Variants in LMF2 observed in about 807,000 individuals in gnomAD.
LMF2 encodes transmembrane protein 112B.
A neutral mutation model predicts 81.5 loss-of-function variants in LMF2; 113 were observed. The ratio of observed to expected loss-of-function variants is 1.39; its 90% CI spans 1.19 to 1.62. The LOEUF (loss-of-function observed/expected upper bound fraction) is 1.62, where lower values mean the gene tolerates loss of function less well. Among genes scored for constraint, LMF2 ranks in the 40% most tolerant of loss-of-function variants. The pLI is 0.00. For missense variants in LMF2, 1,235 were observed against 929.1 expected (o/e 1.33, Z -4.28); for synonymous variants, 645 against 424.5 (o/e 1.52, Z -6.39).
chr22:50,504,590 C>T lies in LMF2; in HGVS notation c.1575G>A (p.Leu525=), dbSNP rs368905091. 7 of 1,604,110 alleles carry T rather than the reference C, an allele frequency of 4.4e-6. No homozygotes were observed. In the African/African-American group the frequency reaches 6.7e-5, roughly 15 times the overall value. The change falls in exon 11 of 14, where the codon CTG becomes CTA. Residue 525 remains leucine, a synonymous_variant. Coordinates refer to ENST00000474879, the MANE Select transcript of LMF2 (RefSeq NM_033200.3). ...CCTTGCCCTGCAGCAGGCGCAAGAC[C>T]AGGCTTGTGAACCACGGGCTGTGCG... ...PHTHSPWFTS[L]VLRLLQGKEP...
rs376956523 is a variant in LMF2, at chr22:50,505,670, G to C, written c.916+4C>G. Reference sequence around the variant, plus strand: ...GGGCAGGGGGCTGGACAAGTGACACGCACAGGTGGCCGTCTTCTTGCGGCT... The same window carrying C: ...GGGCAGGGGGCTGGACAAGTGACACCCACAGGTGGCCGTCTTCTTGCGGCT... On this transcript the variant is annotated splice_donor_region_variant and intron_variant, in intron 6 of 13. Coordinates refer to ENST00000474879, the MANE Select transcript of LMF2 (RefSeq NM_033200.3). The C allele has an allele frequency of 6.2e-7, 1 of 1,612,778 alleles. No individual in the cohort carries two copies. Among genetic ancestry groups the C allele is most frequent in the Non-Finnish European group, 8.5e-7 (1 of 1,179,864 alleles).
intron 11 of LMF2, 44 bp from the exon 12 acceptor site, chr22:50,504,495 G>A (rs2068500261): frequency 1.5e-6 from 2 of 1,339,582 alleles, no homozygotes; most frequent in African/African-American, 1.5e-5. Flanking sequence ...TACCCGCCCT[G>A]CCCCTCCCCT....
Position 50,504,922 on chromosome 22 carries a change from C to T in LMF2, c.1317G>A (p.Leu439=), listed in dbSNP as rs529633164. Residue 439 remains leucine (L), a synonymous_variant, in exon 10 of 14, where the codon CTG becomes CTA. Coordinates refer to ENST00000474879, the MANE Select transcript of LMF2 (RefSeq NM_033200.3). ...GCTGTAGGTGCTCCACGGCACCAAACAGGCGGTGGGCCCCGGTCCAGAGGC... is the reference window on the plus strand; with the variant it reads ...GCTGTAGGTGCTCCACGGCACCAAATAGGCGGTGGGCCCCGGTCCAGAGGC... The part of the protein sequence containing the change: ...HGRLWTGAHR[L]FGAVEHLQLA... 26 of 1,608,194 alleles carry T rather than the reference C, an allele frequency of 1.6e-5. No individual in the cohort carries two copies. In the East Asian group the frequency reaches 4.9e-4, roughly 30 times the overall value.
rs6009975 is a variant in LMF2, at chr22:50,503,556, T to G, written c.1959A>C (p.Gln653His). 1.9e-6 allele frequency: 3 copies of G among 1,546,296 alleles called. No homozygotes were observed. The highest frequency in any genetic ancestry group is 2.6e-6 in the Non-Finnish European group (3 of 1,149,238). Residue 653 changes from glutamine (Q) to histidine (H), a missense_variant, in exon 14 of 14, where the codon CAA becomes CAC. Coordinates refer to ENST00000474879, the MANE Select transcript of LMF2 (RefSeq NM_033200.3). ...GGAGAGAACAGGGTGCTAGCAGGGC[T>G]TGCACAAATCTGACAGCCCCCACGG... ...LMAVGAVRFVQALLAPCSLRS... is the reference protein window; with the variant it reads ...LMAVGAVRFVHALLAPCSLRS...
chr22:50,505,678 G>T lies in LMF2; in HGVS notation c.912C>A (p.Ala304=). The T allele has an allele frequency of 6.2e-7, 1 of 1,612,870 alleles. No homozygotes were observed. The highest frequency in any genetic ancestry group is 1.3e-5 in the African/African-American group (1 of 75,036). ...GGCTGGACAAGTGACACGCACAGGT[G>T]GCCGTCTTCTTGCGGCTGCCGTGGC... ...EPGHGSRKKT[A]TSWPKALLAT... is the part of the protein sequence containing the mutation. Residue 304 remains alanine, a synonymous_variant, in exon 6 of 14, where the codon GCC becomes GCA. Coordinates refer to ENST00000474879, the MANE Select transcript of LMF2 (RefSeq NM_033200.3).
In LMF2 at chr22:50,503,407, G is replaced by T. The variant is rs748810693; in HGVS notation, c.2108C>A (p.Thr703Asn). ...PNPCSSSSRT[T>N]RRKK ...AGAACACAGCTACTTCTTTCGCCGG[G>T]TGGTCCTCGAACTACTGGAGCAGGG... Residue 703 changes from threonine to asparagine, a missense_variant, in exon 14 of 14, where the codon ACC (threonine) becomes AAC (asparagine). Coordinates refer to ENST00000474879, the MANE Select transcript of LMF2 (RefSeq NM_033200.3). 8 of 1,610,240 alleles carry T rather than the reference G, an allele frequency of 5.0e-6. No individual in the cohort carries two copies. The Admixed American group carries it at 8.4e-5, about 17-fold the overall frequency.
rs1330745258 is a variant in LMF2, at chr22:50,504,409, T to C, written c.1649A>G (p.His550Arg). 6.2e-7 allele frequency: 1 copy of C among 1,612,260 alleles called. No individual in the cohort carries two copies. Among genetic ancestry groups the C allele is most frequent in the Non-Finnish European group, 8.5e-7 (1 of 1,179,656 alleles). Reference protein sequence around the residue: ...VQSQVARYPFHKQPPTYVRAQ... With the variant: ...VQSQVARYPFRKQPPTYVRAQ... ...TCGGACGTAGGTGGGCGGCTGCTTG[T>C]GGAAGGGATACCTGGCCACTTGGCT... The change falls in exon 12 of 14, where the codon CAC (histidine) becomes CGC (arginine). Residue 550 changes from histidine (H) to arginine (R), a missense_variant. Physicochemically the swap from His to Arg is conservative, Grantham distance 29. Transcript: ENST00000474879.
rs938925493 is a variant in LMF2, at chr22:50,507,231, T to C, written c.95-196A>G. On this transcript the variant is annotated intron_variant, in intron 1 of 13. Coordinates refer to ENST00000474879, the MANE Select transcript of LMF2 (RefSeq NM_033200.3). ...AAACCCCGTCCCAGGGCTAGAGGCCTGCTCAACTACCTGAGTCAGGGCCTC... is the reference window on the plus strand; with the variant it reads ...AAACCCCGTCCCAGGGCTAGAGGCCCGCTCAACTACCTGAGTCAGGGCCTC... 4.6e-6 allele frequency: 4 copies of C among 866,754 alleles called. No homozygotes were observed. The Admixed American group carries it at 1.2e-4, about 26-fold the overall frequency. The allele number at this position is 866,754 out of a possible 1,614,324, so 53.7% of individuals were successfully genotyped here.
chr22:50,505,426 T>G lies in LMF2; in HGVS notation c.1028A>C (p.Gln343Pro), dbSNP rs760697194. The G allele has an allele frequency of 1.2e-6, 2 of 1,613,064 alleles. No homozygotes were observed. The highest frequency in any genetic ancestry group is 4.5e-5 in the East Asian group (2 of 44,894). Residue 343 changes from glutamine to proline, a missense_variant, in exon 7 of 14, where the codon CAG becomes CCG. Gln to Pro is a moderately conservative substitution (Grantham distance 76). Transcript: ENST00000474879. Reference sequence around the variant, plus strand: ...ACTGGTTCTGGAGTGGATGGTGCGCTGCTGCCAGTCAACCTCCAGGCCAAA... The same window carrying G: ...ACTGGTTCTGGAGTGGATGGTGCGCGGCTGCCAGTCAACCTCCAGGCCAAA... ...HYFGLEVDWQ[Q>P]RTIHSRTTFT...
chr22:50,507,034 G>T lies in LMF2; in HGVS notation c.96C>A (p.Gly32=), dbSNP rs750839116. ...AFASLYTQIP[G]LYGPEGILPA... is the part of the protein sequence containing the mutation. ...GTAGGATGCCCTCGGGGCCATACAG[G>T]CCTGTGGGAGGGCATGTCATGGCCA... is the stretch of plus-strand genomic sequence containing the variant. The change falls in exon 2 of 14, where the codon GGC becomes GGA. Residue 32 remains glycine (G), a splice_region_variant and synonymous_variant. Coordinates refer to ENST00000474879, the MANE Select transcript of LMF2 (RefSeq NM_033200.3). 1 of 1,589,414 alleles carries T rather than the reference G, an allele frequency of 6.3e-7. No individual in the cohort carries two copies. Among genetic ancestry groups the T allele is most frequent in the South Asian group, 1.1e-5 (1 of 90,268 alleles).
At chr22:50,504,500 T>TCCCCCCCCCCCCCCCCCCCACCCCC (rs2068500817) in intron 11 of LMF2, 49 bp from the exon 12 acceptor site, 1 of 454,452 alleles carries the variant, frequency 2.2e-6, no homozygotes, top group African/African-American at 4.5e-5. Context: ...GCCCTGCCCC[T>TCCCCCCCCCCCCCCCCCCCACCCCC]CCCCTCCCCA....
chr22:50,507,377 A>G (rs1334972912), intron 1 of LMF2: 5 of 615,764 alleles, frequency 8.1e-6, no homozygotes, highest in South Asian at 3.8e-5. Flanking sequence ...ACCCCAGGTC[A>G]GAGTCCAGAG....
Position 50,505,226 on chromosome 22 carries a change from T to C in LMF2, c.1157+3A>G. 6.2e-7 allele frequency: 1 copy of C among 1,613,058 alleles called. No individual in the cohort carries two copies. Among genetic ancestry groups the C allele is most frequent in the Non-Finnish European group, 8.5e-7 (1 of 1,179,946 alleles). ...CCCCCTCCCTGCTTCCTGGGCCATG[T>C]ACCTCCACAGGGCACTCAGCAGCTC... On this transcript the variant is annotated splice_donor_region_variant and intron_variant, in intron 8 of 13. Coordinates refer to ENST00000474879, the MANE Select transcript of LMF2 (RefSeq NM_033200.3).
rs372942613 is a variant in LMF2 at position 50,504,549 on chromosome 22, C to T, written c.1606+10G>A. On this transcript the variant is annotated intron_variant, in intron 11 of 13. Coordinates refer to ENST00000474879, the MANE Select transcript of LMF2 (RefSeq NM_033200.3). The stretch of plus-strand genomic sequence containing the variant: ...CAGCCCACTCCACACCCCCCAAGCC[C>T]GCTCCGCACCTGGCTCCTTGCCCTG... The T allele has an allele frequency of 5.3e-5, 84 of 1,570,492 alleles. No individual in the cohort carries two copies. Among genetic ancestry groups the T allele is most frequent in the African/African-American group, 2.6e-4 (19 of 74,270 alleles).
Position 50,505,732 on chromosome 22 carries a change from C to T in LMF2, c.858G>A (p.Leu286=), listed in dbSNP as rs1164195348. ...GCTCAGCAGCCAGGTGCTGGTCGTC[C>T]AGCAGCGCAGTGGTAAGCACCAGCG... ...LMTLVLTTAL[L]DDQHLAAEPG... Residue 286 remains leucine, a synonymous_variant, in exon 6 of 14, where the codon CTG becomes CTA. Coordinates refer to ENST00000474879, the MANE Select transcript of LMF2 (RefSeq NM_033200.3). 2 of 1,613,106 alleles carry T rather than the reference C, an allele frequency of 1.2e-6. No individual in the cohort carries two copies. Among genetic ancestry groups the T allele is most frequent in the Non-Finnish European group, 1.7e-6 (2 of 1,179,962 alleles).
Position 50,503,667 on chromosome 22 carries a change from G to T in LMF2, c.1848C>A (p.Asn616Lys). ...AGTGGAGGGCCTGGGCCAGGGTGCT[G>T]TTGGCGCTGCGGGTGCGAGGTGGGC... ...EKSPPRTRSA[N>K]STLAQALHWT... The change falls in exon 14 of 14, where the codon AAC becomes AAA. Residue 616 changes from asparagine to lysine, a missense_variant. Transcript: ENST00000474879. 1 of 1,490,492 alleles carries T rather than the reference G, an allele frequency of 6.7e-7. No individual in the cohort carries two copies. The highest frequency in any genetic ancestry group is 1.9e-4 in the Middle Eastern group (1 of 5,356). The allele number at this position is 1,490,492 out of a possible 1,614,324, so 92.3% of individuals were successfully genotyped here.
rs143142192 is a variant in LMF2 at position 50,506,828 on chromosome 22, G to C, written c.302C>G (p.Pro101Arg). ...GGCCCAAAGCAGCAAGTAGATGACAGGGTGGCGCAGTGGGCTCAGCAGCAG... is the reference window on the plus strand; with the variant it reads ...GGCCCAAAGCAGCAAGTAGATGACACGGTGGCGCAGTGGGCTCAGCAGCAG... ...GALLLSPLRHPVIYLLLWAAY... is the reference protein window; with the variant it reads ...GALLLSPLRHRVIYLLLWAAY... The change falls in exon 2 of 14, where the codon CCT becomes CGT. Residue 101 changes from proline to arginine, a missense_variant. By Grantham distance (103) the Pro-to-Arg change is moderately radical. Transcript: ENST00000474879. 25 of 1,606,498 alleles carry C rather than the reference G, an allele frequency of 1.6e-5. No homozygotes were observed. The African/African-American group carries it at 2.9e-4, about 19-fold the overall frequency.
In LMF2 at chr22:50,504,950, C is replaced by G. The variant is rs1164129682; in HGVS notation, c.1289G>C (p.Gly430Ala). ...PYSYVEPGTH[G>A]RLWTGAHRLF... ...GCGGTGGGCCCCGGTCCAGAGGCGC[C>G]CGTGGGTCCCGGGCTCCACGTAGGA... The change falls in exon 10 of 14, where the codon GGG becomes GCG. Residue 430 changes from glycine to alanine, a missense_variant. Physicochemically the swap from Gly to Ala is moderately conservative, Grantham distance 60. Coordinates refer to ENST00000474879, the MANE Select transcript of LMF2 (RefSeq NM_033200.3). The G allele has an allele frequency of 1.9e-6, 3 of 1,607,714 alleles. No individual in the cohort carries two copies. Among genetic ancestry groups the G allele is most frequent in the Non-Finnish European group, 2.5e-6 (3 of 1,176,600 alleles).
intron 11 of LMF2, 48 bp from the exon 12 acceptor site, chr22:50,504,499 CTCCCCT>C: frequency 1.3e-6 from 2 of 1,485,206 alleles, no homozygotes; most frequent in African/African-American, 1.4e-5. Context: ...CGCCCTGCCC[CTCCCCT>C]CCCCACCCCG....
Sources: allele counts gnomAD v4.1 joint callset, GRCh38; gene constraint gnomAD v4.1.1; transcripts MANE v1.5; gene names NCBI Gene and HGNC (gene_info 2026-07-23, HGNC 2026-07-21).